Variants in TSHZ3 observed in about 807,000 individuals in gnomAD.
TSHZ3 encodes the protein teashirt zinc finger homeobox 3.
In TSHZ3, 10 loss-of-function variants were observed where a neutral mutation model predicts 64.5. The ratio of observed to expected loss-of-function variants is 0.16; its 90% CI spans 0.10 to 0.26. TSHZ3 has a LOEUF of 0.26. Ranked by LOEUF, TSHZ3 falls within the 10% of genes least tolerant of loss-of-function variation. TSHZ3 has a pLI of 1.00. For synonymous variants in TSHZ3, 608 were observed against 593.1 expected, an observed-to-expected ratio of 1.03 and a Z score of -0.36; for missense variants, 1,242 against 1,421.7, an observed-to-expected ratio of 0.87 and a Z score of 2.03.
intron 5 of TSHZ3, among the ~76,000 whole-genome samples, chr19:31,179,825 T>TGGA (rs1232998044): frequency 3.4e-5 from 3 of 89,280 alleles, no homozygotes; most frequent in South Asian, 3.1e-4. Flanking sequence ...GTGGTGATGA[T>TGGA]GGAGGTGGTG....
intron 5 of TSHZ3, among the ~76,000 whole-genome samples, chr19:31,182,157 C>A (rs1374120997): frequency 6.6e-6 from 1 of 152,166 alleles, no homozygotes; most frequent in Non-Finnish European, 1.5e-5. Flanking sequence ...TCAGTCTCTG[C>A]CCAGATTTGG....
chr19:31,237,654 A>G (rs1366494155), intron 3 of TSHZ3, among the ~76,000 whole-genome samples: 4 of 151,794 alleles, frequency 2.6e-5, no homozygotes, highest in Admixed American at 1.3e-4. Flanking sequence ...CTTTGAGCTT[A>G]TTTTCTTTTT....
At chr19:31,217,308 C>T (rs1183325287) in intron 4 of TSHZ3, among the ~76,000 whole-genome samples, 1 of 151,938 alleles carries the variant, frequency 6.6e-6, no homozygotes, top group African/African-American at 2.4e-5. Context: ...AACAGGGCAA[C>T]GGGGTGAACG....
chr19:31,181,940 G>A (rs143733002), intron 5 of TSHZ3, among the ~76,000 whole-genome samples: 65 of 152,270 alleles, frequency 4.3e-4, no homozygotes, highest in Middle Eastern at 3.4e-3. Context: ...AAGCCAGAAG[G>A]AACTGGAGTC....
At chr19:31,152,077 T>C (rs1974247542) in intron 6 of TSHZ3, among the ~76,000 whole-genome samples, 1 of 151,846 alleles carries the variant, frequency 6.6e-6, no homozygotes, top group African/African-American at 2.4e-5. Context: ...GAGTCAATTC[T>C]CCCTGTAAAT....
intron 5 of TSHZ3, among the ~76,000 whole-genome samples, chr19:31,163,537 G>C (rs1296220466): frequency 6.6e-6 from 1 of 152,128 alleles, no homozygotes; most frequent in African/African-American, 2.4e-5. Flanking sequence ...TTTGAGATCA[G>C]CCTGGCCAAC....
At chr19:31,273,876 G>A (rs1976181053), downstream of TSHZ3, among the ~76,000 whole-genome samples, 1 of 152,190 alleles carries the variant, frequency 6.6e-6, no homozygotes, top group African/African-American at 2.4e-5. Flanking sequence ...TTCCCTGCCT[G>A]GCCGTAAAAC....
At chr19:31,205,203 G>A (rs956914129) in intron 4 of TSHZ3, among the ~76,000 whole-genome samples, 1 of 152,106 alleles carries the variant, frequency 6.6e-6, no homozygotes. Flanking sequence ...CACCAGGTTT[G>A]GGGCCAAGTG....
intron 5 of TSHZ3, among the ~76,000 whole-genome samples, chr19:31,188,104 C>T (rs966453377): frequency 1.3e-5 from 2 of 151,530 alleles, no homozygotes; most frequent in African/African-American, 4.8e-5. Context: ...TTGTACTTTT[C>T]AGTATAGAAG....
chr19:31,224,478 AC>A (rs1469401820), intron 4 of TSHZ3, among the ~76,000 whole-genome samples: 2 of 152,186 alleles, frequency 1.3e-5, no homozygotes, highest in African/African-American at 2.4e-5. Flanking sequence ...GTTTCAAGTG[AC>A]GTTTGCTGTG....
intron 1 of TSHZ3, among the ~76,000 whole-genome samples, chr19:31,331,911 G>A (rs111427167): frequency 2.6e-5 from 4 of 152,222 alleles, no homozygotes; most frequent in Admixed American, 1.3e-4. Context: ...CACCTCCCCC[G>A]GGCACTTTCT....
At chr19:31,192,587 C>A (rs764333077) in intron 5 of TSHZ3, among the ~76,000 whole-genome samples, 25 of 152,110 alleles carry the variant, frequency 1.6e-4, no homozygotes, top group Admixed American at 5.2e-4. Flanking sequence ...CCTTTAAGTT[C>A]TGTTAGTATT....
At chr19:31,322,403 C>G (rs369460804) in intron 1 of TSHZ3, among the ~76,000 whole-genome samples, 2 of 152,108 alleles carry the variant, frequency 1.3e-5, no homozygotes, top group South Asian at 2.1e-4. Flanking sequence ...CAGGCGTGAG[C>G]CCCCGTGCCT....
At chr19:31,318,637 C>CA (rs1439171635) in intron 1 of TSHZ3, among the ~76,000 whole-genome samples, 1 of 151,970 alleles carries the variant, frequency 6.6e-6, no homozygotes, top group Non-Finnish European at 1.5e-5. Context: ...TTTTTAGTAT[C>CA]ATGAATAAAA....
At chr19:31,165,835 G>A (rs900015316) in intron 5 of TSHZ3, among the ~76,000 whole-genome samples, 1 of 152,170 alleles carries the variant, frequency 6.6e-6, no homozygotes, top group African/African-American at 2.4e-5. Flanking sequence ...TTATTTGTTT[G>A]AATTTTATTT....
At chr19:31,229,492 A>T (rs1456127437) in intron 3 of TSHZ3, among the ~76,000 whole-genome samples, 1 of 152,196 alleles carries the variant, frequency 6.6e-6, no homozygotes, top group Non-Finnish European at 1.5e-5. Flanking sequence ...CCTAAAATAA[A>T]TGTCAAGCGG....
chr19:31,349,785 C>G (rs985489615), upstream of TSHZ3, among the ~76,000 whole-genome samples: 1 of 147,114 alleles, frequency 6.8e-6, no homozygotes, highest in Non-Finnish European at 1.5e-5. Flanking sequence ...CGCCGCGGCC[C>G]GGGGCTCGGC....
At chr19:31,189,334 T>C (rs1207427231) in intron 5 of TSHZ3, among the ~76,000 whole-genome samples, 1 of 152,006 alleles carries the variant, frequency 6.6e-6, no homozygotes, top group African/African-American at 2.4e-5. Flanking sequence ...GTTTAGTGCA[T>C]TGAATTTTGG....
intron 1 of TSHZ3, among the ~76,000 whole-genome samples, chr19:31,333,033 G>A (rs903926833): frequency 3.3e-5 from 5 of 151,878 alleles, no homozygotes; most frequent in Admixed American, 2.6e-4. Flanking sequence ...TGAGCCCAAG[G>A]AGGTCGAGGC....
Sources: gnomAD v4.1 joint callset for allele counts (sites outside exome capture counted in the v4.1 genomes callset) on GRCh38, gnomAD v4.1.1 for gene constraint, MANE v1.5 for transcripts, NCBI Gene and HGNC (gene_info 2026-07-23, HGNC 2026-07-21) for gene names.